DNAH5: variants seen among roughly 807,000 people sequenced by gnomAD.
DNAH5 encodes the protein axonemal beta dynein heavy chain 5.
In DNAH5, 372 loss-of-function variants were observed where a neutral mutation model predicts 518.2. The observed-to-expected ratio is 0.72, with a 90% CI of 0.66 to 0.78. The LOEUF (loss-of-function observed/expected upper bound fraction) is 0.78, where lower values mean the gene tolerates loss of function less well. Among genes scored for constraint, DNAH5 ranks in the 30% least tolerant of loss-of-function variants. The pLI is 0.00. For missense variants in DNAH5, 5,523 were observed against 5,687.0 expected (o/e 0.97, Z 0.93); for synonymous variants, 2,039 against 2,025.9 (o/e 1.01, Z -0.17).
intron 75 of DNAH5, among the ~76,000 whole-genome samples, chr5:13,713,434 C>CATATATATATATATATAT (rs200836910): frequency 2.8e-4 from 20 of 70,652 alleles, no homozygotes; most frequent in African/African-American, 1.0e-3. Context: ...TATACATCGA[C>CATATATATATATATATAT]ATATATATAT....
intron 60 of DNAH5, among the ~76,000 whole-genome samples, chr5:13,759,213 C>T (rs1751448204): frequency 6.6e-6 from 1 of 152,196 alleles, no homozygotes; most frequent in South Asian, 2.1e-4. Context: ...CAAATATTTT[C>T]TTTAAAGTGC....
intron 46 of DNAH5, among the ~76,000 whole-genome samples, 160 bp from the exon 47 acceptor site, chr5:13,807,885 T>C (rs933533311): frequency 6.6e-6 from 1 of 151,962 alleles, no homozygotes; most frequent in Admixed American, 6.6e-5. Flanking sequence ...TAAGGTAAAA[T>C]AAAGCTGTTG....
At chr5:13,867,617 A>G (rs1437985033) in intron 25 of DNAH5, among the ~76,000 whole-genome samples, 157 bp downstream of exon 25, 1 of 56,470 alleles carries the variant, frequency 1.8e-5, no homozygotes, top group Non-Finnish European at 4.9e-5. Flanking sequence ...AAGAATTGTG[A>G]AAAAAAATGT....
Position 13,923,358 on chromosome 5 carries a change from A to T in DNAH5, c.360T>A (p.Asp120Glu). The change falls in exon 4 of 79, where the codon GAT (aspartate) becomes GAA (glutamate). Residue 120 changes from aspartate (D) to glutamate (E), a missense_variant. By Grantham distance (45) the Asp-to-Glu change is conservative (BLOSUM62 2). This residue lies in a region of DNAH5 where 5,121 missense variants were observed against 5,223.3 expected (regional missense o/e 0.98). Coordinates refer to ENST00000265104, the MANE Select transcript of DNAH5 (RefSeq NM_001369.3). The part of the protein sequence containing the change: ...KPKVFVTEGN[D>E]VALTGVCVFF... Reference sequence around the variant, plus strand: ...ACACACATACCCCAGTAAGAGCCACATCGTTTCCCTCGGTCACGAACACCT... The same window carrying T: ...ACACACATACCCCAGTAAGAGCCACTTCGTTTCCCTCGGTCACGAACACCT... 2 of 1,614,200 alleles carry T rather than the reference A, an allele frequency of 1.2e-6. No homozygotes were observed. The highest frequency in any genetic ancestry group is 1.7e-6 in the Non-Finnish European group (2 of 1,180,016).
intron 42 of DNAH5, among the ~76,000 whole-genome samples, chr5:13,815,956 C>T (rs1212904132): frequency 6.6e-6 from 1 of 152,208 alleles, no homozygotes; most frequent in Non-Finnish European, 1.5e-5. Context: ...AACCCTTAGG[C>T]TTCTGGCATG....
chr5:13,865,129 G>C (rs1769045008), intron 27 of DNAH5, among the ~76,000 whole-genome samples: 1 of 151,168 alleles, frequency 6.6e-6, no homozygotes, highest in African/African-American at 2.4e-5. Context: ...CGAGTAGCTG[G>C]GATTACAGGT....
intron 1 of DNAH5, among the ~76,000 whole-genome samples, chr5:13,960,776 T>G (rs1781122126): frequency 6.6e-6 from 1 of 152,214 alleles, no homozygotes; most frequent in Admixed American, 6.5e-5. Flanking sequence ...TCCCCGTGGC[T>G]ACTCCACACG....
intron 6 of DNAH5, 97 bp downstream of exon 6, chr5:13,920,383 G>T (rs1429746657): frequency 6.6e-7 from 1 of 1,524,834 alleles, no homozygotes; most frequent in Non-Finnish European, 9.1e-7. Flanking sequence ...ACAGTAAAAC[G>T]CTTAACAAAT....
chr5:13,945,881 C>T (rs1030447755), upstream of DNAH5, among the ~76,000 whole-genome samples: 3 of 152,136 alleles, frequency 2.0e-5, no homozygotes, highest in Non-Finnish European at 4.4e-5. Context: ...TGGGATTATA[C>T]GCATGAGCCA....
At chr5:13,921,475 T>TCA (rs138046391) in intron 5 of DNAH5, among the ~76,000 whole-genome samples, 1,983 of 73,610 alleles carry the variant, frequency 0.027, 40 homozygotes, top group African/African-American at 0.078. Flanking sequence ...TATCTCTCTC[T>TCA]CACACACACA....
rs35337694 is a variant in DNAH5 at position 13,841,918 on chromosome 5, C to CAAAAAAA, written c.5272-21_5272-15dup. On this transcript the variant is annotated splice_polypyrimidine_tract_variant and intron_variant, in intron 32 of 78. Transcript: ENST00000265104. Reference sequence around the variant, plus strand: ...TCGATCATAGATCTATGTTAGAAACCAAAAAAAAAAAAAAAAAAAGCTATA... The same window carrying CAAAAAAA: ...TCGATCATAGATCTATGTTAGAAACCAAAAAAAAAAAAAAAAAAAAAAAAAAGCTATA... 1.3e-4 allele frequency: 76 copies of CAAAAAAA among 592,628 alleles called. No homozygotes were observed. The highest frequency in any genetic ancestry group is 3.2e-4 in the Admixed American group (9 of 27,884). The allele number at this position is 592,628 out of a possible 1,614,324, so 36.7% of individuals were successfully genotyped here.
At chr5:13,730,812 T>G (rs1561128357) in intron 68 of DNAH5, among the ~76,000 whole-genome samples, 1 of 151,996 alleles carries the variant, frequency 6.6e-6, no homozygotes, top group Non-Finnish European at 1.5e-5. Flanking sequence ...GCAATTCTCC[T>G]GCCTCAGCCT....
intron 30 of DNAH5, among the ~76,000 whole-genome samples, chr5:13,856,162 G>C (rs1262740716): frequency 6.6e-6 from 1 of 152,082 alleles, no homozygotes; most frequent in Non-Finnish European, 1.5e-5. Flanking sequence ...AGAACCGAAG[G>C]AGATAGAGAC....
rs773774504 is a variant in DNAH5, at chr5:13,823,321, G to T, written c.6629C>A (p.Pro2210Gln). 6 of 1,613,812 alleles carry T rather than the reference G, an allele frequency of 3.7e-6. No individual in the cohort carries two copies. Among genetic ancestry groups the T allele is most frequent in the African/African-American group, 1.3e-5 (1 of 74,860 alleles). Reference sequence around the variant, plus strand: ...ACCTGCCTTGTCCAGAAGAATATTTGGAAAGAGATCTTCAATCAAACTCAA... The same window carrying T: ...ACCTGCCTTGTCCAGAAGAATATTTTGAAAGAGATCTTCAATCAAACTCAA... ...LFLSLIEDLF[P>Q]NILLDKAGYP... The change falls in exon 40 of 79, where the codon CCA (proline) becomes CAA (glutamine). Residue 2210 changes from proline to glutamine, a missense_variant. Coordinates refer to ENST00000265104, the MANE Select transcript of DNAH5 (RefSeq NM_001369.3).
In DNAH5 at chr5:13,850,798, A is replaced by T. The variant is rs1416069034; in HGVS notation, c.4968T>A (p.Ser1656=). The T allele has an allele frequency of 1.9e-6, 3 of 1,614,202 alleles. No individual in the cohort carries two copies. Among genetic ancestry groups the T allele is most frequent in the Non-Finnish European group, 2.5e-6 (3 of 1,180,024 alleles). The change falls in exon 31 of 79, where the codon TCT becomes TCA. Residue 1656 remains serine, a synonymous_variant. Coordinates refer to ENST00000265104, the MANE Select transcript of DNAH5 (RefSeq NM_001369.3). ...KQLPKEAKRF[S]NIDKSWVKIM... is the part of the protein sequence containing the mutation. ...TCTTCACCCAAGATTTATCTATGTTAGAAAACCGCTTGGCTTCCTATGAGA... is the reference window on the plus strand; with the variant it reads ...TCTTCACCCAAGATTTATCTATGTTTGAAAACCGCTTGGCTTCCTATGAGA...
At chr5:13,970,827 T>C (rs943388448) in intron 1 of DNAH5, among the ~76,000 whole-genome samples, 2 of 152,230 alleles carry the variant, frequency 1.3e-5, no homozygotes, top group African/African-American at 2.4e-5. Flanking sequence ...TTTGGATGTC[T>C]AGCTCTCTAG....
At chr5:13,742,085 T>C (rs1366654430) in intron 65 of DNAH5, among the ~76,000 whole-genome samples, 2 of 152,116 alleles carry the variant, frequency 1.3e-5, no homozygotes, top group East Asian at 1.9e-4. Flanking sequence ...AAAAATCAAG[T>C]TGAAATGTGG....
chr5:14,003,473 C>T (rs543785911), intron 1 of DNAH5, among the ~76,000 whole-genome samples: 2 of 152,154 alleles, frequency 1.3e-5, no homozygotes, highest in African/African-American at 2.4e-5. Flanking sequence ...ACCTTTAGCC[C>T]TGGTCAGAAA....
At chr5:13,845,559 C>T (rs1344149131) in intron 31 of DNAH5, among the ~76,000 whole-genome samples, 2 of 152,082 alleles carry the variant, frequency 1.3e-5, no homozygotes, top group East Asian at 1.9e-4. Flanking sequence ...CCAAAATCCA[C>T]TGAATGTTCC....
Sources: allele counts gnomAD v4.1 joint callset (sites outside exome capture counted in the v4.1 genomes callset), GRCh38; gene constraint gnomAD v4.1.1; regional missense constraint gnomAD v4.1.1; transcripts MANE v1.5; gene names NCBI Gene and HGNC (gene_info 2026-07-23, HGNC 2026-07-21).